The following PCSK4 variants were observed in gnomAD, a reference collection of about 807,000 sequenced individuals.
PCSK4 encodes the protein testicular tissue protein Li 135.
PCSK4 carries 64 observed loss-of-function variants against 80.3 expected under a neutral mutation model. The observed-to-expected ratio is 0.80, with a 90% CI of 0.65 to 0.98. The LOEUF (loss-of-function observed/expected upper bound fraction) is 0.98. Ranked by LOEUF, PCSK4 falls within the 50% of genes least tolerant of loss-of-function variation. PCSK4 has a pLI of 0.00. For synonymous variants in PCSK4, 561 were observed against 487.6 expected (o/e 1.15, Z -1.98); for missense variants, 1,213 against 1,093.6 (o/e 1.11, Z -1.54).
intron 2 of PCSK4, 144 bp downstream of exon 2, chr19:1,489,649 G>C (rs1298072570): frequency 2.1e-6 from 3 of 1,404,040 alleles, no homozygotes; most frequent in East Asian, 2.5e-5. Context: ...TCCTCTTGCT[G>C]TATAGACTTG....
In PCSK4 at chr19:1,482,178, G is replaced by A; in HGVS notation, c.1849C>T (p.Gln617Ter). 1 of 1,552,720 alleles carries A rather than the reference G, an allele frequency of 6.4e-7. No individual in the cohort carries two copies. Among genetic ancestry groups the A allele is most frequent in the Non-Finnish European group, 8.6e-7 (1 of 1,156,778 alleles). The change falls in exon 15 of 15, where the codon CAG becomes TAG. Residue 617 changes from glutamine to a stop codon, truncating the protein, a stop_gained. Transcript: ENST00000300954. LOFTEE classifies it low-confidence loss of function (END_TRUNC). The stretch of plus-strand genomic sequence containing the variant: ...GGGGGGCAGTAGGCCAGGCAGAGCT[G>A]TCCCAGGATGTAGGCGGGGCCGTCA...
In PCSK4 at chr19:1,483,945, CG is replaced by C; in HGVS notation, c.1170-5del. 2.8e-6 allele frequency: 3 copies of C among 1,069,310 alleles called. No homozygotes were observed. Among genetic ancestry groups the C allele is most frequent in the South Asian group, 1.6e-5 (1 of 64,066 alleles). 66.2% of individuals were successfully genotyped at this position (1,069,310 alleles called of 1,614,324 possible). On this transcript the variant is annotated splice_region_variant and splice_polypyrimidine_tract_variant and intron_variant, in intron 9 of 14. Coordinates refer to ENST00000300954, the Ensembl canonical transcript of PCSK4. The stretch of plus-strand genomic sequence containing the variant: ...GTCTCTCCACGTCAGGAACGGGCTG[CG>C]GGGGGCGGGGGCGGGGGCGGGTGAG...
At position 1,483,392 on chromosome 19, in the gene PCSK4, G is replaced by T. The variant is rs781293292; in HGVS notation, c.1463C>A (p.Ser488Ter). 1.2e-6 allele frequency: 2 copies of T among 1,605,008 alleles called. No individual in the cohort carries two copies. Among genetic ancestry groups the T allele is most frequent in the African/African-American group, 1.3e-5 (1 of 74,906 alleles). ...CAGCTGCGCCTGCACGTGCTCCAGC[G>T]AGCGGATGGAGTTGTGGAGGCCGGC... The change falls in exon 12 of 15, where the codon TCG (serine) becomes TAG (stop). Residue 488 changes from serine (S) to a stop codon, truncating the protein, a stop_gained. Transcript: ENST00000300954. LOFTEE classifies it high-confidence loss of function.
intron 9 of PCSK4, 25 bp downstream of exon 9, chr19:1,484,002 T>A: frequency 6.6e-7 from 1 of 1,508,536 alleles, no homozygotes. Context: ...GCGAGGGCGG[T>A]GGACCGGGCC....
At chr19:1,490,215 C>G (rs754241078) in exon 1 of PCSK4, 2 of 1,613,312 alleles carry the variant, frequency 1.2e-6, no homozygotes, top group Admixed American at 3.3e-5. Context: ...CCCGGTTACC[C>G]TGGGACACCT....
At chr19:1,485,206 A>C (rs1483177153) in intron 8 of PCSK4, among the ~76,000 whole-genome samples, 1 of 151,916 alleles carries the variant, frequency 6.6e-6, no homozygotes, top group Non-Finnish European at 1.5e-5. Flanking sequence ...AGAAGTAACA[A>C]GGACTATGCT....
chr19:1,486,389 C>T lies in PCSK4; in HGVS notation c.1068+464G>A, dbSNP rs374389682. On this transcript the variant is annotated intron_variant, in intron 8 of 14. Transcript: ENST00000300954. ...TCGGCTCACTGCAAACCCTGCCTCC[C>T]GGGTTCATGCCATTCTCCTGCCTCA... Among the ~76,000 whole-genome samples, 1,207 of 147,788 alleles carry T rather than the reference C, an allele frequency of 8.2e-3. 8 individuals are homozygous for T. Among genetic ancestry groups the T allele is most frequent in the East Asian group, 0.052 (256 of 4,900 alleles).
rs1286989011 is a variant in PCSK4, at chr19:1,482,888, G to T, written c.1696+8C>A. The T allele has an allele frequency of 3.1e-6, 2 of 653,498 alleles. No homozygotes were observed. The highest frequency in any genetic ancestry group is 5.4e-6 in the Non-Finnish European group (2 of 371,372). The allele number at this position is 653,498 out of a possible 1,614,324, so 40.5% of individuals were successfully genotyped here. A position where few individuals can be genotyped will look rare whatever the true frequency, so the allele number is the denominator to read the frequency against. On this transcript the variant is annotated splice_region_variant and intron_variant, in intron 13 of 14. Coordinates refer to ENST00000300954, the Ensembl canonical transcript of PCSK4. ...GCCCCGCCCACCACAGCCCCGCCCC[G>T]CCCTCACCCGTGTTGAAATAGTAGC...
intron 1 of PCSK4, 66 bp from the exon 2 acceptor site, chr19:1,489,963 G>A (rs548267237): frequency 1.3e-6 from 2 of 1,546,124 alleles, no homozygotes; most frequent in African/African-American, 1.4e-5. Context: ...CCCGAGGGCC[G>A]GTAACAGCCC....
In PCSK4 at chr19:1,482,843, G is replaced by A. The variant is rs1212988396; in HGVS notation, c.1696+53C>T. 10 of 1,593,144 alleles carry A rather than the reference G, an allele frequency of 6.3e-6. No individual in the cohort carries two copies. The Admixed American group carries it at 1.5e-4, about 24-fold the overall frequency. On this transcript the variant is annotated intron_variant, in intron 13 of 14. Transcript: ENST00000300954. ...ACCAAGGCTAGCTCCAGAGCCCCTGGGGGGAGGTTGGAGAGCCAAGCCCCG... is the reference window on the plus strand; with the variant it reads ...ACCAAGGCTAGCTCCAGAGCCCCTGAGGGGAGGTTGGAGAGCCAAGCCCCG...
At chr19:1,490,596 G>A (rs964104778), upstream of PCSK4, 1 of 451,372 alleles carries the variant, frequency 2.2e-6, no homozygotes, top group Non-Finnish European at 3.9e-6. Context: ...ACAACGACAA[G>A]ACTAACCCAG....
chr19:1,486,728 G>A (rs1049680064), intron 8 of PCSK4, 125 bp downstream of exon 8: 5 of 801,310 alleles, frequency 6.2e-6, no homozygotes, highest in East Asian at 2.7e-5. Flanking sequence ...CACCGTGCTC[G>A]GCCTGGATTT....
chr19:1,487,761 G>C (rs770214134), intron 5 of PCSK4, 24 bp downstream of exon 5: 2 of 1,555,882 alleles, frequency 1.3e-6, no homozygotes, highest in Non-Finnish European at 1.7e-6. Context: ...GGCTTCCCCC[G>C]TGTGCTGTGG....
chr19:1,486,631 A>G (rs574736114), intron 8 of PCSK4, among the ~76,000 whole-genome samples: 77 of 150,716 alleles, frequency 5.1e-4, no homozygotes, highest in Non-Finnish European at 9.9e-4. Context: ...ACAGGGTTTC[A>G]CCATGTTAGC....
exon 12 of PCSK4, chr19:1,483,411 G>A: frequency 6.2e-7 from 1 of 1,600,512 alleles, no homozygotes; most frequent in East Asian, 2.2e-5. Context: ...GAGTTGTGGA[G>A]GCCGGCGCAG....
chr19:1,484,802 G>T (rs1048344566), intron 8 of PCSK4, among the ~76,000 whole-genome samples: 2 of 151,912 alleles, frequency 1.3e-5, no homozygotes, highest in Non-Finnish European at 2.9e-5. Context: ...AACATGGCAA[G>T]ACTCCATCTC....
chr19:1,487,799 GGGGGTGTAGC>G lies in PCSK4; in HGVS notation c.569_578del (p.Arg190ProfsTer53). 4 of 1,579,848 alleles carry G rather than the reference GGGGGTGTAGC, an allele frequency of 2.5e-6. No individual in the cohort carries two copies. The highest frequency in any genetic ancestry group is 3.4e-6 in the Non-Finnish European group (4 of 1,162,028). On this transcript the variant is annotated frameshift_variant, in exon 5 of 15. Transcript: ENST00000300954. LOFTEE classifies it high-confidence loss of function. Reference sequence around the variant, plus strand: ...GCCCTGCTCACCGGTTCTCTTTGCTGGGGGTGTAGCGGGGCTGGGGGTCCGGGTCGTAGTC... The same window carrying G: ...GCCCTGCTCACCGGTTCTCTTTGCTGGGGGCTGGGGGTCCGGGTCGTAGTC...
intron 2 of PCSK4, among the ~76,000 whole-genome samples, chr19:1,488,778 G>A (rs948555826): frequency 4.0e-5 from 6 of 151,880 alleles, no homozygotes; most frequent in African/African-American, 1.4e-4. Flanking sequence ...ATGGGGTTTC[G>A]CCATGTTGAT....
At chr19:1,485,611 C>A (rs187772929) in intron 8 of PCSK4, among the ~76,000 whole-genome samples, 12 of 152,048 alleles carry the variant, frequency 7.9e-5, no homozygotes, top group Admixed American at 3.3e-4. Flanking sequence ...GTGGCTCACA[C>A]CTGTAATCCC....
Sources: allele counts gnomAD v4.1 joint callset (sites outside exome capture counted in the v4.1 genomes callset), GRCh38; gene constraint gnomAD v4.1.1; transcripts MANE v1.5; gene names NCBI Gene and HGNC (gene_info 2026-07-23, HGNC 2026-07-21).